The following KAZN variants were observed in gnomAD, a reference collection of about 807,000 sequenced individuals.
KAZN encodes kazrin.
A neutral mutation model predicts 87.4 loss-of-function variants in KAZN; 40 were observed. The ratio of observed to expected loss-of-function variants is 0.46; its 90% confidence interval spans 0.36 to 0.60. KAZN has a LOEUF of 0.60. KAZN is among the 20% of genes least tolerant of loss of function. KAZN has a pLI of 0.00. For missense variants in KAZN, 898 were observed against 1,073.9 expected (o/e 0.84, Z 2.29); for synonymous variants, 466 against 458.3 (o/e 1.02, Z -0.22).
chr1:14,543,235 A>C (rs555976283), intron 2 of KAZN, among the ~76,000 whole-genome samples: 1 of 152,218 alleles, frequency 6.6e-6, no homozygotes, highest in South Asian at 2.1e-4. Flanking sequence ...TGGCACGAAC[A>C]TAAGTGTTCA....
intron 2 of KAZN, among the ~76,000 whole-genome samples, chr1:14,361,395 A>AC (rs1471605500): frequency 6.6e-6 from 1 of 152,196 alleles, no homozygotes; most frequent in Non-Finnish European, 1.5e-5. Context: ...CCTGCTGAGC[A>AC]CTTGGGTGGG....
chr1:14,728,723 C>T (rs1308205795), intron 1 of KAZN, among the ~76,000 whole-genome samples: 1 of 152,170 alleles, frequency 6.6e-6, no homozygotes, highest in East Asian at 1.9e-4. Context: ...GCAGCCTCGC[C>T]TTACACTTAA....
chr1:14,596,979 C>T (rs1367501096), upstream of KAZN, among the ~76,000 whole-genome samples: 1 of 152,130 alleles, frequency 6.6e-6, no homozygotes, highest in Non-Finnish European at 1.5e-5. Context: ...TATGGTAATC[C>T]TATGTTTAAC....
At chr1:14,129,664 G>A (rs755398832) in intron 1 of KAZN, among the ~76,000 whole-genome samples, 22 of 152,124 alleles carry the variant, frequency 1.4e-4, no homozygotes, top group Non-Finnish European at 2.9e-4. Context: ...TGTTCTTCTC[G>A]TGATGGGTGT....
intron 1 of KAZN, among the ~76,000 whole-genome samples, chr1:14,092,380 C>T (rs1272920788): frequency 1.3e-5 from 2 of 150,398 alleles, no homozygotes; most frequent in South Asian, 2.1e-4. Context: ...CGTGAGCCAC[C>T]GTGCCCGGCC....
At chr1:14,387,516 A>G (rs1662032194) in intron 2 of KAZN, among the ~76,000 whole-genome samples, 1 of 151,928 alleles carries the variant, frequency 6.6e-6, no homozygotes, top group Non-Finnish European at 1.5e-5. Context: ...TCTGTTTGTT[A>G]GTTTTCCTTC....
At chr1:14,433,339 G>A (rs1666191607) in intron 2 of KAZN, among the ~76,000 whole-genome samples, 1 of 152,100 alleles carries the variant, frequency 6.6e-6, no homozygotes, top group Non-Finnish European at 1.5e-5. Flanking sequence ...AAAAATAATT[G>A]CATAGTGTGC....
chr1:13,903,372 G>A (rs1014562616), intron 1 of KAZN, among the ~76,000 whole-genome samples: 4 of 152,162 alleles, frequency 2.6e-5, no homozygotes, highest in African/African-American at 7.2e-5. Flanking sequence ...AAGTAACTGC[G>A]TTTTTGTCGG....
intron 1 of KAZN, among the ~76,000 whole-genome samples, chr1:14,698,506 C>T (rs539098500): frequency 6.6e-6 from 1 of 152,358 alleles, no homozygotes; most frequent in South Asian, 2.1e-4. Flanking sequence ...AATTCCACTG[C>T]CCCTCCCATG....
rs188204070 is a variant in KAZN at position 14,135,826 on chromosome 1, T to C, written c.92-44609T>C. 1.2e-3 allele frequency among the ~76,000 whole-genome samples: 177 copies of C among 152,324 alleles called. 2 individuals carry two copies. In the South Asian group the frequency reaches 0.017, roughly 15 times the overall value. On this transcript the variant is annotated intron_variant, in intron 1 of 16. Transcript: ENST00000636203. ...TTAACATGTGGATGAATTTGCCATC[T>C]CGAATTAAAATGGAGGCTGCTCAAA...
chr1:14,806,299 C>T (rs1187417072), intron 1 of KAZN, among the ~76,000 whole-genome samples: 1 of 152,250 alleles, frequency 6.6e-6, no homozygotes, highest in Admixed American at 6.5e-5. Context: ...ATGATTGACA[C>T]TCCCTGGGAG....
chr1:13,920,134 C>T (rs1297982827), intron 1 of KAZN, among the ~76,000 whole-genome samples: 2 of 150,810 alleles, frequency 1.3e-5, no homozygotes, highest in East Asian at 2.0e-4. Context: ...ACTGTAGTCC[C>T]AGCTACTTGG....
At chr1:14,686,288 C>G (rs1474110833) in intron 1 of KAZN, among the ~76,000 whole-genome samples, 1 of 152,146 alleles carries the variant, frequency 6.6e-6, no homozygotes, top group Non-Finnish European at 1.5e-5. Context: ...TGGTCTCTGT[C>G]TCTTGACCTC....
At chr1:15,050,122 AG>A (rs1674180233) in intron 4 of KAZN, among the ~76,000 whole-genome samples, 1 of 137,408 alleles carries the variant, frequency 7.3e-6, no homozygotes, top group African/African-American at 2.9e-5. Flanking sequence ...AGAGTAGTAG[AG>A]TAGGTCTCCA....
At chr1:14,108,688 C>T (rs192592023) in intron 1 of KAZN, among the ~76,000 whole-genome samples, 1 of 152,186 alleles carries the variant, frequency 6.6e-6, no homozygotes, top group African/African-American at 2.4e-5. Context: ...CCAAAGTGAC[C>T]CTTTATCTTT....
chr1:14,319,010 TTTTATTTATTTATTTATTTATTTA>T (rs199695925), intron 2 of KAZN, among the ~76,000 whole-genome samples: 12,415 of 136,576 alleles, frequency 0.091, 706 homozygotes, highest in East Asian at 0.24. Flanking sequence ...GACCTTTTAT[TTTTATTTATTTATTTATTTATTTA>T]TTTATTTATT....
chr1:14,477,550 A>G (rs1385544810), intron 2 of KAZN, among the ~76,000 whole-genome samples: 1 of 151,892 alleles, frequency 6.6e-6, no homozygotes, highest in African/African-American at 2.4e-5. Flanking sequence ...TGCATCGTGT[A>G]CAAGGCTTGT....
At chr1:14,500,031 TAATG>T (rs1015401366) in intron 2 of KAZN, among the ~76,000 whole-genome samples, 87 of 152,366 alleles carry the variant, frequency 5.7e-4, no homozygotes, top group African/African-American at 2.0e-3. Context: ...ATTCATATAA[TAATG>T]AATTAAGTTG....
intron 1 of KAZN, among the ~76,000 whole-genome samples, chr1:13,968,627 T>C (rs1042149378): frequency 1.3e-5 from 2 of 152,226 alleles, no homozygotes; most frequent in African/African-American, 2.4e-5. Context: ...GACCTTTGTT[T>C]TACGAAATTC....
Sources: allele counts gnomAD v4.1 joint callset (sites outside exome capture counted in the v4.1 genomes callset), GRCh38; gene constraint gnomAD v4.1.1; transcripts MANE v1.5; gene names NCBI Gene and HGNC (gene_info 2026-07-23, HGNC 2026-07-21).